Variants in GLRA3 observed in about 807,000 individuals in gnomAD.
The protein encoded by GLRA3 is glycine receptor alpha 3, also known as glycine receptor subunit alpha-3.
Under a neutral mutation model 60.4 loss-of-function variants are expected in GLRA3, and 44 were observed. That is an observed-to-expected ratio of 0.73 (90% CI 0.57 to 0.94). The LOEUF is 0.94. Ranked by LOEUF, GLRA3 falls within the 40% of genes least tolerant of loss-of-function variation. The pLI is 0.00. For missense variants in GLRA3, 508 were observed against 564.6 expected (o/e 0.90, Z 1.02); for synonymous variants, 223 against 192.9 (o/e 1.16, Z -1.29).
chr4:174,806,163 T>C (rs1025035345), intron 1 of GLRA3, among the ~76,000 whole-genome samples: 2 of 152,186 alleles, frequency 1.3e-5, no homozygotes, highest in African/African-American at 4.8e-5. Flanking sequence ...TTAATTAGCA[T>C]TTAAAATAAT....
At chr4:174,719,215 G>A (rs1310702294) in intron 4 of GLRA3, among the ~76,000 whole-genome samples, 3 of 151,468 alleles carry the variant, frequency 2.0e-5, no homozygotes, top group Non-Finnish European at 2.9e-5. Context: ...CGCCCGCCTC[G>A]GCCTCCCAAA....
Position 174,714,380 on chromosome 4 carries a change from GC to G in GLRA3, c.574+1107del, listed in dbSNP as rs201810124. Among the ~76,000 whole-genome samples the G allele has an allele frequency of 3.2e-3, 476 of 150,398 alleles. 3 individuals are homozygous for G. Among genetic ancestry groups the G allele is most frequent in the South Asian group, 0.027 (128 of 4,672 alleles). On this transcript the variant is annotated intron_variant, in intron 5 of 9. Transcript: ENST00000274093. ...CCCCATGTAGATTGATTGCTAAGTA[GC>G]CCCCCAAATTTTAATTTATTTTATT... is the stretch of plus-strand genomic sequence containing the variant.
At chr4:174,649,558 C>T (rs948121022) in intron 9 of GLRA3, among the ~76,000 whole-genome samples, 1 of 152,088 alleles carries the variant, frequency 6.6e-6, no homozygotes, top group Non-Finnish European at 1.5e-5. Context: ...CAGGAACTCT[C>T]AGCTCTGATT....
chr4:174,727,139 T>G (rs1043991226), intron 4 of GLRA3, among the ~76,000 whole-genome samples: 1 of 152,200 alleles, frequency 6.6e-6, no homozygotes, highest in African/African-American at 2.4e-5. Flanking sequence ...TCTGTTCTCA[T>G]GAACTAGGTA....
chr4:174,773,753 A>C (rs963395933), intron 2 of GLRA3, among the ~76,000 whole-genome samples: 1 of 152,214 alleles, frequency 6.6e-6, no homozygotes, highest in African/African-American at 2.4e-5. Flanking sequence ...GCATAGAAGC[A>C]GAATCCTGTT....
rs540933761 is a variant in GLRA3, at chr4:174,798,797, G to A, written c.72-9854C>T. On this transcript the variant is annotated intron_variant, in intron 1 of 9. Transcript: ENST00000274093. ...AAATTAGCTGGGTGTGGTGGTGAGC[G>A]CCTGTAGTCCCAGCTACTCGGGAGG... Among the ~76,000 whole-genome samples, 6 of 152,198 alleles carry A rather than the reference G, an allele frequency of 3.9e-5. No homozygotes were observed. In the East Asian group the frequency reaches 7.7e-4, roughly 20 times the overall value.
chr4:174,789,970 C>A (rs1739260191), intron 1 of GLRA3, among the ~76,000 whole-genome samples: 1 of 152,118 alleles, frequency 6.6e-6, no homozygotes, highest in South Asian at 2.1e-4. Flanking sequence ...ATTTCTCCTG[C>A]CAGAATTTTA....
chr4:174,689,437 A>G (rs1332604650), intron 5 of GLRA3, among the ~76,000 whole-genome samples: 1 of 152,154 alleles, frequency 6.6e-6, no homozygotes, highest in Non-Finnish European at 1.5e-5. Flanking sequence ...TATATTTTGC[A>G]TAAATTTATG....
At chr4:174,762,379 T>C (rs891296885) in intron 3 of GLRA3, among the ~76,000 whole-genome samples, 2 of 152,146 alleles carry the variant, frequency 1.3e-5, no homozygotes, top group Non-Finnish European at 1.5e-5. Context: ...GGACCACCTA[T>C]AGCCAGCCCC....
At chr4:174,732,353 C>T (rs1300603709) in intron 3 of GLRA3, among the ~76,000 whole-genome samples, 1 of 129,484 alleles carries the variant, frequency 7.7e-6, no homozygotes, top group Admixed American at 8.1e-5. Flanking sequence ...GACTCCGACT[C>T]AAAAATTAAA....
chr4:174,751,033 C>T (rs936715053), intron 3 of GLRA3, among the ~76,000 whole-genome samples: 1 of 151,850 alleles, frequency 6.6e-6, no homozygotes. Context: ...TATCAGCTAA[C>T]CCAGAAAAAA....
chr4:174,811,190 T>C (rs1001677585), intron 1 of GLRA3, among the ~76,000 whole-genome samples: 1 of 151,310 alleles, frequency 6.6e-6, no homozygotes, highest in Non-Finnish European at 1.5e-5. Flanking sequence ...CGCCTGTTTT[T>C]TTTTTTTTTT....
At chr4:174,647,711 A>T (rs1579383167) in intron 9 of GLRA3, among the ~76,000 whole-genome samples, 1 of 152,220 alleles carries the variant, frequency 6.6e-6, no homozygotes, top group Non-Finnish European at 1.5e-5. Context: ...AGGTCAAAAT[A>T]ACTTCAGTTT....
intron 1 of GLRA3, among the ~76,000 whole-genome samples, chr4:174,800,694 A>T (rs1461791053): frequency 6.6e-6 from 1 of 151,996 alleles, no homozygotes; most frequent in African/African-American, 2.4e-5. Flanking sequence ...ACACATACGC[A>T]CAATGTCTAA....
At chr4:174,758,660 A>T (rs915618803) in intron 3 of GLRA3, among the ~76,000 whole-genome samples, 2 of 152,190 alleles carry the variant, frequency 1.3e-5, no homozygotes, top group Non-Finnish European at 1.5e-5. Context: ...ATATTTGTTC[A>T]CAAATGTTAA....
rs372490451 is a variant in GLRA3, at chr4:174,734,052, A to G, written c.268-5354T>C. 3.7e-4 allele frequency among the ~76,000 whole-genome samples: 57 copies of G among 152,296 alleles called. 1 individual carries two copies. In the East Asian group the frequency reaches 3.9e-3, roughly 10 times the overall value. ...TTTGGCCGGTAATTGGAGATGGTAG[A>G]AAACTTAAGGCAAATACCACTGGAT... On this transcript the variant is annotated intron_variant, in intron 3 of 9. Coordinates refer to ENST00000274093, the MANE Select transcript of GLRA3 (RefSeq NM_006529.4).
intron 7 of GLRA3, among the ~76,000 whole-genome samples, chr4:174,660,797 G>T (rs1733403949): frequency 6.6e-6 from 1 of 152,116 alleles, no homozygotes; most frequent in Non-Finnish European, 1.5e-5. Context: ...TTATTCATTT[G>T]TTTATTTATA....
chr4:174,770,698 C>G (rs1579578772), intron 2 of GLRA3, among the ~76,000 whole-genome samples: 1 of 152,014 alleles, frequency 6.6e-6, no homozygotes. Context: ...TTATAAAAGA[C>G]CTGCATCCTA....
At chr4:174,743,016 T>C (rs1038113691) in intron 3 of GLRA3, among the ~76,000 whole-genome samples, 2 of 152,200 alleles carry the variant, frequency 1.3e-5, no homozygotes, top group Non-Finnish European at 1.5e-5. Context: ...TCCATAGCTG[T>C]TGTGGGATAA....
Sources: allele counts gnomAD v4.1 joint callset (sites outside exome capture counted in the v4.1 genomes callset), GRCh38; gene constraint gnomAD v4.1.1; transcripts MANE v1.5; gene names NCBI Gene and HGNC (gene_info 2026-07-23, HGNC 2026-07-21).